ZNF891: variants seen among roughly 807,000 people sequenced by gnomAD.
ZNF891 encodes the protein hCG1646157.
For synonymous variants in ZNF891, 199 were observed against 209.0 expected, an observed-to-expected ratio of 0.95 and a Z score of 0.41; for missense variants, 589 against 632.7, an observed-to-expected ratio of 0.93 and a Z score of 0.74.
Position 133,110,814 on chromosome 12 carries a change from G to C in ZNF891, c.*9470C>G, listed in dbSNP as rs150444282. ...AAAATACAAAAAATTAGTTGGGTGT[G>C]GCGGTGCATGCCTGTAATCCAAGCT... On this transcript the variant is annotated 3_prime_UTR_variant, in exon 2 of 2. Coordinates refer to ENST00000537226, the MANE Select transcript of ZNF891 (RefSeq NM_001277291.2). 6.6e-6 allele frequency: 1 copy of C among 152,248 alleles called. No individual in the cohort carries two copies. Among genetic ancestry groups the C allele is most frequent in the East Asian group, 1.9e-4 (1 of 5,186 alleles). The allele number at this position is 152,248 out of a possible 1,614,324, so 9.4% of individuals were successfully genotyped here. A position where few individuals can be genotyped will look rare whatever the true frequency, so the allele number is the denominator to read the frequency against.
Position 133,108,097 on chromosome 12 carries a change from A to C in ZNF891, c.*12187T>G, listed in dbSNP as rs568634875. On this transcript the variant is annotated 3_prime_UTR_variant, in exon 2 of 2. Transcript: ENST00000537226. ...ACATTTAGAAGCTTCTCAAGTTTCC[A>C]TAAGAGTTGTTTCAGAGAGGCTGAT... The C allele has an allele frequency of 6.6e-5, 10 of 152,194 alleles. No homozygotes were observed. Among genetic ancestry groups the C allele is most frequent in the Admixed American group, 2.0e-4 (3 of 15,278 alleles). The allele number at this position is 152,194 out of a possible 1,614,324, so 9.4% of individuals were successfully genotyped here. A position where few individuals can be genotyped will look rare whatever the true frequency, so the allele number is the denominator to read the frequency against.
rs1446770586 is a variant in ZNF891, at chr12:133,105,794, C to T, written c.*14490G>A. 2.4e-5 allele frequency: 38 copies of T among 1,614,058 alleles called. 1 individual carries two copies. The highest frequency in any genetic ancestry group is 5.5e-5 in the South Asian group (5 of 91,088). The stretch of plus-strand genomic sequence containing the variant: ...TGAATGTGGAAAAACTTTTGGTCGA[C>T]GCTTTTCCCTGGTGTTACACCAGAG... On this transcript the variant is annotated 3_prime_UTR_variant, in exon 2 of 2. Coordinates refer to ENST00000537226, the MANE Select transcript of ZNF891 (RefSeq NM_001277291.2).
rs1371865918 is a variant in ZNF891 at position 133,121,115 on chromosome 12, T to C, written c.804A>G (p.Thr268=). The change falls in exon 2 of 2, where the codon ACA becomes ACG. Residue 268 remains threonine, a synonymous_variant. Transcript: ENST00000537226. ...QRNQTVQKEY[T]YSKHGMHFTH... ...TGAAGTGCATTCCATGTTTAGAATATGTGTACTCTTTTTGTACTGTTTGAT... is the reference window on the plus strand; with the variant it reads ...TGAAGTGCATTCCATGTTTAGAATACGTGTACTCTTTTTGTACTGTTTGAT... The C allele has an allele frequency of 2.0e-6, 3 of 1,535,576 alleles. No individual in the cohort carries two copies. The highest frequency in any genetic ancestry group is 2.0e-5 in the Admixed American group (1 of 51,004).
In ZNF891 at chr12:133,117,736, T is replaced by C. The variant is rs1485167072; in HGVS notation, c.*2548A>G. ...CTCCAGCTACTACCCTTTCTCCTAT[T>C]ATTCAAACTTGTCTACATCCAGTCT... On this transcript the variant is annotated 3_prime_UTR_variant, in exon 2 of 2. Coordinates refer to ENST00000537226, the MANE Select transcript of ZNF891 (RefSeq NM_001277291.2). 1 of 152,228 alleles carries C rather than the reference T, an allele frequency of 6.6e-6. No homozygotes were observed. Among genetic ancestry groups the C allele is most frequent in the Non-Finnish European group, 1.5e-5 (1 of 68,024 alleles). The allele number at this position is 152,228 out of a possible 1,614,324, so 9.4% of individuals were successfully genotyped here.
At chr12:133,129,255 G>C (rs535781214) in intron 1 of ZNF891, among the ~76,000 whole-genome samples, 2 of 151,978 alleles carry the variant, frequency 1.3e-5, no homozygotes, top group Admixed American at 6.6e-5. Context: ...TAATCTCAGC[G>C]CTTTGGGAGG....
At chr12:133,124,228 T>TG (rs1462956492) in intron 1 of ZNF891, among the ~76,000 whole-genome samples, 2 of 151,988 alleles carry the variant, frequency 1.3e-5, no homozygotes, top group Admixed American at 1.3e-4. Flanking sequence ...TTTAAATCGG[T>TG]GGGGGGAAGG....
At chr12:133,124,173 C>G (rs911624765) in intron 1 of ZNF891, among the ~76,000 whole-genome samples, 1 of 152,112 alleles carries the variant, frequency 6.6e-6, no homozygotes, top group African/African-American at 2.4e-5. Context: ...TCTTCAGAAA[C>G]AGATTCTGTG....
chr12:133,126,766 G>A (rs978429100), intron 1 of ZNF891, among the ~76,000 whole-genome samples: 78 of 147,486 alleles, frequency 5.3e-4, no homozygotes, highest in African/African-American at 1.8e-3. Context: ...GCAGTGAGCC[G>A]AGATGTGCCA....
At chr12:133,123,834 T>G (rs189153382) in intron 1 of ZNF891, among the ~76,000 whole-genome samples, 1 of 152,256 alleles carries the variant, frequency 6.6e-6, no homozygotes, top group Non-Finnish European at 1.5e-5. Flanking sequence ...GTATTGCAGG[T>G]TTAACCCTTC....
Position 133,105,745 on chromosome 12 carries a change from T to C in ZNF891, c.*14539A>G. 3 of 1,614,204 alleles carry C rather than the reference T, an allele frequency of 1.9e-6. No individual in the cohort carries two copies. The highest frequency in any genetic ancestry group is 2.5e-6 in the Non-Finnish European group (3 of 1,180,030). ...TGGCTCAACATATGAATATCAGTAC[T>C]GTGGAGAGGCCCTATGGATGCCATG... is the stretch of plus-strand genomic sequence containing the variant. On this transcript the variant is annotated 3_prime_UTR_variant, in exon 2 of 2. Transcript: ENST00000537226.
At chr12:133,123,941 G>A (rs757678314) in intron 1 of ZNF891, among the ~76,000 whole-genome samples, 12 of 152,080 alleles carry the variant, frequency 7.9e-5, no homozygotes, top group Non-Finnish European at 1.6e-4. Context: ...AATAAATGGC[G>A]AGATTCACTA....
In ZNF891 at chr12:133,115,390, C is replaced by CAGA. The variant is rs1955710084; in HGVS notation, c.*4893_*4894insTCT. On this transcript the variant is annotated 3_prime_UTR_variant, in exon 2 of 2. Transcript: ENST00000537226. ...CCTGGGAAAAAGCAAAACTCCTTCT[C>CAGA]AAAAAAAAAAAAAAAAAAAAAAAAA... 2.9e-5 allele frequency: 1 copy of CAGA among 34,354 alleles called. No individual in the cohort carries two copies. Among genetic ancestry groups the CAGA allele is most frequent in the Non-Finnish European group, 5.8e-5 (1 of 17,302 alleles). The allele number at this position is 34,354 out of a possible 1,614,324, so 2.1% of individuals were successfully genotyped here. A position where few individuals can be genotyped will look rare whatever the true frequency, so the allele number is the denominator to read the frequency against.
In ZNF891 at chr12:133,106,389, C is replaced by G; in HGVS notation, c.*13895G>C. The G allele has an allele frequency of 6.2e-7, 1 of 1,614,096 alleles. No individual in the cohort carries two copies. The highest frequency in any genetic ancestry group is 2.2e-5 in the East Asian group (1 of 44,872). On this transcript the variant is annotated 3_prime_UTR_variant, in exon 2 of 2. Transcript: ENST00000537226. ...GGTAAAGTTTTCACTTGGCATGCAT[C>G]CCTTATTCAACATACGAAGAGTCAC...
chr12:133,128,212 A>T (rs180682938), intron 1 of ZNF891, among the ~76,000 whole-genome samples: 5 of 152,348 alleles, frequency 3.3e-5, no homozygotes, highest in Admixed American at 3.3e-4. Context: ...TGCCACTGGG[A>T]AGAGATGGGG....
chr12:133,112,221 T>C lies in ZNF891; in HGVS notation c.*8063A>G, dbSNP rs1955686623. On this transcript the variant is annotated 3_prime_UTR_variant, in exon 2 of 2. Coordinates refer to ENST00000537226, the MANE Select transcript of ZNF891 (RefSeq NM_001277291.2). ...TCTTGCTGTTCTATTTAGAAAGCTC[T>C]TCCTCTGTCCCTCCACCCTCTGCCC... 1.0e-5 allele frequency: 1 copy of C among 98,758 alleles called. No homozygotes were observed. The highest frequency in any genetic ancestry group is 2.8e-4 in the South Asian group (1 of 3,558). The allele number at this position is 98,758 out of a possible 1,614,324, so 6.1% of individuals were successfully genotyped here.
chr12:133,122,158 T>A, intron 1 of ZNF891, 134 bp from the exon 2 acceptor site: 1 of 1,260,276 alleles, frequency 7.9e-7, no homozygotes, highest in Non-Finnish European at 1.0e-6. Context: ...AAATCTTTAC[T>A]GGGATTTGTA....
Position 133,108,740 on chromosome 12 carries a change from T to TA in ZNF891, c.*11543_*11544insT, listed in dbSNP as rs1332344070. The stretch of plus-strand genomic sequence containing the variant: ...ATTAACCAAAGTGATACAAACACAG[T>TA]GATTTGGGAATGCCTTCAATTACAA... On this transcript the variant is annotated 3_prime_UTR_variant, in exon 2 of 2. Transcript: ENST00000537226. 1.4e-4 allele frequency: 22 copies of TA among 152,222 alleles called. No individual in the cohort carries two copies. Among genetic ancestry groups the TA allele is most frequent in the African/African-American group, 5.3e-4 (22 of 41,470 alleles). 9.4% of individuals were successfully genotyped at this position (152,222 alleles called of 1,614,324 possible). A position where few individuals can be genotyped will look rare whatever the true frequency, so the allele number is the denominator to read the frequency against.
At position 133,105,060 on chromosome 12, in the gene ZNF891, C is replaced by T. The variant is rs115109118; in HGVS notation, c.*15224G>A. 0.033 allele frequency among the ~76,000 whole-genome samples: 4,968 copies of T among 152,070 alleles called. 255 individuals carry two copies. The highest frequency in any genetic ancestry group is 0.11 in the African/African-American group (4,651 of 41,458). ...ATCATAGGCAAGTTTTCAGAGAAAC[C>T]GCTTTTTTTTTCATTTAGATTATTA... is the stretch of plus-strand genomic sequence containing the variant. On this transcript the variant is annotated 3_prime_UTR_variant, in exon 2 of 2. Coordinates refer to ENST00000537226, the MANE Select transcript of ZNF891 (RefSeq NM_001277291.2).
Position 133,113,267 on chromosome 12 carries a change from T to G in ZNF891, c.*7017A>C, listed in dbSNP as rs1394596645. 6.6e-6 allele frequency: 1 copy of G among 151,902 alleles called. No individual in the cohort carries two copies. Among genetic ancestry groups the G allele is most frequent in the Non-Finnish European group, 1.5e-5 (1 of 67,964 alleles). 9.4% of individuals were successfully genotyped at this position (151,902 alleles called of 1,614,324 possible). A position where few individuals can be genotyped will look rare whatever the true frequency, so the allele number is the denominator to read the frequency against. On this transcript the variant is annotated 3_prime_UTR_variant, in exon 2 of 2. Transcript: ENST00000537226. ...AAAGTATTTATTAAAAAGTTAATGA[T>G]AGAATTATTTTTAAGAAATAGACCA...
Sources: gnomAD v4.1 joint callset for allele counts (sites outside exome capture counted in the v4.1 genomes callset) on GRCh38, gnomAD v4.1.1 for gene constraint, MANE v1.5 for transcripts, NCBI Gene and HGNC (gene_info 2026-07-23, HGNC 2026-07-21) for gene names.